Variants in UBE2E1 observed in about 807,000 individuals in gnomAD.
UBE2E1 encodes ubiquitin conjugating enzyme E2 E1, also known as ubiquitin-conjugating enzyme E2 E1.
UBE2E1 carries 6 observed loss-of-function variants against 21.4 expected under a neutral mutation model. The ratio of observed to expected loss-of-function variants is 0.28; its 90% confidence interval spans 0.15 to 0.55. The LOEUF (loss-of-function observed/expected upper bound fraction) is 0.55, where lower values mean the gene tolerates loss of function less well. Ranked by LOEUF, UBE2E1 falls within the 20% of genes least tolerant of loss-of-function variation. UBE2E1 has a pLI of 0.93. For synonymous variants in UBE2E1, 87 were observed against 82.7 expected, an observed-to-expected ratio of 1.05 and a Z score of -0.28; for missense variants, 142 against 236.5, an observed-to-expected ratio of 0.60 and a Z score of 2.62.
rs1299139868 is a variant in UBE2E1, at chr3:23,823,509, A to G, written c.203+11999A>G. ...TTAAATTGTTCCTACTACCACTTACAACCTTTCCTCCTCTATGGGGGTACA... is the reference window on the plus strand; with the variant it reads ...TTAAATTGTTCCTACTACCACTTACGACCTTTCCTCCTCTATGGGGGTACA... On this transcript the variant is annotated intron_variant, in intron 3 of 5. Coordinates refer to ENST00000306627, the MANE Select transcript of UBE2E1 (RefSeq NM_003341.5). The surrounding 1 kb of genome is among the most constrained non-coding windows in gnomAD (Gnocchi z 4.2). Among the ~76,000 whole-genome samples, 1 of 152,232 alleles carries G rather than the reference A, an allele frequency of 6.6e-6. No individual in the cohort carries two copies. The highest frequency in any genetic ancestry group is 2.1e-4 in the South Asian group (1 of 4,832).
intron 3 of UBE2E1, among the ~76,000 whole-genome samples, chr3:23,881,445 C>T (rs912468904): frequency 1.3e-5 from 2 of 152,236 alleles, no homozygotes; most frequent in African/African-American, 4.8e-5. Context: ...TCCTCAGTTA[C>T]ATCCTCTCAT....
At chr3:23,814,542 T>C (rs964435248) in intron 3 of UBE2E1, among the ~76,000 whole-genome samples, 2 of 152,228 alleles carry the variant, frequency 1.3e-5, no homozygotes, top group Admixed American at 6.5e-5. Flanking sequence ...CAACTCACTC[T>C]TCATTTTGGT....
At position 23,835,839 on chromosome 3, in the gene UBE2E1, A is replaced by C. The variant is rs372080330; in HGVS notation, c.203+24329A>C. 1.9e-3 allele frequency among the ~76,000 whole-genome samples: 283 copies of C among 152,356 alleles called. 1 individual carries two copies. The highest frequency in any genetic ancestry group is 6.7e-3 in the African/African-American group (280 of 41,578). ...GAGACTGCATTAAATTTCTCTGGAT[A>C]ATCTACATAAATAATCCTCAAAATA... On this transcript the variant is annotated intron_variant, in intron 3 of 5. Transcript: ENST00000306627.
intron 3 of UBE2E1, among the ~76,000 whole-genome samples, chr3:23,847,926 G>C (rs142784034): frequency 1.3e-5 from 2 of 152,112 alleles, no homozygotes; most frequent in Non-Finnish European, 2.9e-5. Flanking sequence ...TGTGCATCCT[G>C]TGTGAATTAC....
chr3:23,878,476 G>A lies in UBE2E1; in HGVS notation c.204-9091G>A, dbSNP rs567705989. ...AGCCTGGGCCACAGACCCCGTACTG[G>A]TCCCTGGCCCATTAGGAACCACGCA... On this transcript the variant is annotated intron_variant, in intron 3 of 5. Transcript: ENST00000306627. Among the ~76,000 whole-genome samples, 6 of 152,290 alleles carry A rather than the reference G, an allele frequency of 3.9e-5. No individual in the cohort carries two copies. In the East Asian group the frequency reaches 9.7e-4, roughly 24 times the overall value.
intron 3 of UBE2E1, among the ~76,000 whole-genome samples, chr3:23,862,609 G>T (rs1700579952): frequency 6.6e-6 from 1 of 152,206 alleles, no homozygotes; most frequent in African/African-American, 2.4e-5. Context: ...CCAAGTAGAT[G>T]ATCATTTGGA....
intron 3 of UBE2E1, among the ~76,000 whole-genome samples, chr3:23,872,519 G>C (rs1700825822): frequency 6.6e-6 from 1 of 152,048 alleles, no homozygotes; most frequent in South Asian, 2.1e-4. Context: ...CTGCCCAGTG[G>C]TTCTCAAACT....
At chr3:23,864,235 G>A (rs183638765) in intron 3 of UBE2E1, among the ~76,000 whole-genome samples, 23 of 152,180 alleles carry the variant, frequency 1.5e-4, no homozygotes, top group Admixed American at 5.9e-4. Flanking sequence ...CCGCTGATTT[G>A]GGGTTTCTTA....
intron 5 of UBE2E1, 159 bp downstream of exon 5, chr3:23,889,418 C>G (rs1397144224): frequency 2.7e-6 from 4 of 1,471,160 alleles, no homozygotes; most frequent in Non-Finnish European, 3.6e-6. Context: ...GTTCAGTCTA[C>G]TAGTTGAGAC....
At chr3:23,875,808 T>C (rs1460769204) in intron 3 of UBE2E1, among the ~76,000 whole-genome samples, 1 of 152,266 alleles carries the variant, frequency 6.6e-6, no homozygotes, top group Non-Finnish European at 1.5e-5. Flanking sequence ...AGTCTCGCTC[T>C]GTCGCCCAGG....
chr3:23,846,865 G>C (rs532441616), intron 3 of UBE2E1, among the ~76,000 whole-genome samples: 16 of 151,960 alleles, frequency 1.1e-4, no homozygotes, highest in Non-Finnish European at 2.4e-4. Flanking sequence ...TAGGTGTTTA[G>C]CTACTTTTTT....
chr3:23,868,236 C>T (rs908477614), intron 3 of UBE2E1, among the ~76,000 whole-genome samples: 3 of 152,186 alleles, frequency 2.0e-5, no homozygotes, highest in Non-Finnish European at 2.9e-5. Context: ...TTTCCAAGTC[C>T]TTAAAGCATT....
intron 3 of UBE2E1, among the ~76,000 whole-genome samples, chr3:23,835,742 A>G (rs1463361395): frequency 6.6e-6 from 1 of 152,150 alleles, no homozygotes; most frequent in African/African-American, 2.4e-5. Context: ...CTTTTTTTAG[A>G]CATTAGAAGT....
chr3:23,864,709 T>A (rs542827847), intron 3 of UBE2E1, among the ~76,000 whole-genome samples: 1 of 152,352 alleles, frequency 6.6e-6, no homozygotes, highest in South Asian at 2.1e-4. Flanking sequence ...TATCTTCTAG[T>A]TTGTTTTGAT....
rs1700914350 is a variant in UBE2E1 at position 23,876,371 on chromosome 3, G to A, written c.204-11196G>A. Among the ~76,000 whole-genome samples the A allele has an allele frequency of 6.6e-6, 1 of 152,142 alleles. No homozygotes were observed. The highest frequency in any genetic ancestry group is 6.5e-5 in the Admixed American group (1 of 15,278). Reference sequence around the variant, plus strand: ...AAGTTCCTTCTGCCACTCGCTTCTAGGTTACAAAAGGTTACTGTTTTATGA... The same window carrying A: ...AAGTTCCTTCTGCCACTCGCTTCTAAGTTACAAAAGGTTACTGTTTTATGA... On this transcript the variant is annotated intron_variant, in intron 3 of 5. Transcript: ENST00000306627. The surrounding 1 kb of genome is among the most constrained non-coding windows in gnomAD (Gnocchi z 4.3).
Position 23,807,257 on chromosome 3 carries a change from T to TG in UBE2E1, c.-7dup. 1 of 1,607,992 alleles carries TG rather than the reference T, an allele frequency of 6.2e-7. No homozygotes were observed. The highest frequency in any genetic ancestry group is 8.5e-7 in the Non-Finnish European group (1 of 1,177,572). ...TGCAGGGGCTGTTTGCGGGGTGGGGTGGGGGGTTCGCTATGTCGGATGACG... is the reference window on the plus strand; with the variant it reads ...TGCAGGGGCTGTTTGCGGGGTGGGGTGGGGGGGTTCGCTATGTCGGATGACG... On this transcript the variant is annotated 5_prime_UTR_variant, in exon 2 of 6. Coordinates refer to ENST00000306627, the MANE Select transcript of UBE2E1 (RefSeq NM_003341.5).
chr3:23,882,420 G>T (rs1032015827), intron 3 of UBE2E1, among the ~76,000 whole-genome samples: 1 of 152,218 alleles, frequency 6.6e-6, no homozygotes, highest in South Asian at 2.1e-4. Context: ...CCAGCTAGAC[G>T]TAAAAGTTCT....
intron 3 of UBE2E1, among the ~76,000 whole-genome samples, chr3:23,841,373 T>G (rs1013110145): frequency 6.6e-6 from 1 of 152,138 alleles, no homozygotes; most frequent in African/African-American, 2.4e-5. Flanking sequence ...GTTTTTTTTT[T>G]AAGAATAGAT....
chr3:23,812,089 T>C lies in UBE2E1; in HGVS notation c.203+579T>C, dbSNP rs114936613. ...TTGCTTTATTCAGACTGTATACATA[T>C]GTGTGTTTCAGTTTCAAAACAAATT... is the stretch of plus-strand genomic sequence containing the variant. On this transcript the variant is annotated intron_variant, in intron 3 of 5. Coordinates refer to ENST00000306627, the MANE Select transcript of UBE2E1 (RefSeq NM_003341.5). Among the ~76,000 whole-genome samples, 1,471 of 152,308 alleles carry C rather than the reference T, an allele frequency of 9.7e-3. 32 individuals are homozygous for C. The highest frequency in any genetic ancestry group is 0.034 in the African/African-American group (1,427 of 41,552).
Sources: gnomAD v4.1 joint callset for allele counts (sites outside exome capture counted in the v4.1 genomes callset) on GRCh38, gnomAD v4.1.1 for gene constraint, Gnocchi (gnomAD v3.1) non-coding constraint, MANE v1.5 for transcripts, NCBI Gene and HGNC (gene_info 2026-07-23, HGNC 2026-07-21) for gene names.